Variants in KCNQ1 observed in about 807,000 individuals in gnomAD.
KCNQ1 encodes potassium voltage-gated channel subfamily KQT member 1.
A neutral mutation model predicts 72.4 loss-of-function variants in KCNQ1; 49 were observed. The observed-to-expected ratio is 0.68, with a 90% CI of 0.54 to 0.86. The LOEUF is 0.86. Among genes scored for constraint, KCNQ1 ranks in the 40% least tolerant of loss-of-function variants. The pLI, the probability that KCNQ1 is intolerant of heterozygous loss-of-function variation, is 0.00. For missense variants in KCNQ1, 790 were observed against 945.1 expected (o/e 0.84, Z 2.15); for synonymous variants, 450 against 412.6 (o/e 1.09, Z -1.10).
chr11:2,744,266 T>C (rs1265939700), intron 11 of KCNQ1, among the ~76,000 whole-genome samples: 1 of 152,220 alleles, frequency 6.6e-6, no homozygotes, highest in Admixed American at 6.5e-5. Flanking sequence ...CAGGAGACGA[T>C]GTGGCATCGG....
rs7937273 is a variant in KCNQ1, at chr11:2,488,822, T to C, written c.387-39106T>C. 0.23 allele frequency among the ~76,000 whole-genome samples: 34,248 copies of C among 152,130 alleles called. 4,712 individuals carry two copies. The highest frequency in any genetic ancestry group is 0.39 in the African/African-American group (16,167 of 41,468). On this transcript the variant is annotated intron_variant, in intron 1 of 15. Coordinates refer to ENST00000155840, the MANE Select transcript of KCNQ1 (RefSeq NM_000218.3). This position sits in a 1 kb window ranked among gnomAD's most constrained non-coding sequence, Gnocchi z 5.1. ...CTTTGATTTAATTGATTTTTCTCTA[T>C]TGTTTTTCTATTCTCTATTTTGTTG...
rs549461555 is a variant in KCNQ1, at chr11:2,809,382, G to C, written c.1794+31345G>C. On this transcript the variant is annotated intron_variant, in intron 15 of 15. Coordinates refer to ENST00000155840, the MANE Select transcript of KCNQ1 (RefSeq NM_000218.3). This position sits in a 1 kb window ranked among gnomAD's most constrained non-coding sequence, Gnocchi z 7.1. ...TCAGCTTTGTGTGGTAGCCAGCGAC[G>C]CTGCAACCCCGCCCCCGCAGCCTCC... Among the ~76,000 whole-genome samples the C allele has an allele frequency of 6.6e-6, 1 of 152,128 alleles. No homozygotes were observed. Among genetic ancestry groups the C allele is most frequent in the South Asian group, 2.1e-4 (1 of 4,832 alleles).
At chr11:2,530,008 G>C (rs1304205258) in intron 2 of KCNQ1, among the ~76,000 whole-genome samples, 1 of 152,150 alleles carries the variant, frequency 6.6e-6, no homozygotes, top group Admixed American at 6.5e-5. Context: ...AACCCCCTTG[G>C]TCCTGGCGTG....
Position 2,588,077 on chromosome 11 carries a change from G to T in KCNQ1, c.1251+385G>T, listed in dbSNP as rs921853419. ...TGGGTGGTGGGAGGGGAGCAGCAGG[G>T]GAGGGAGGTGAGGCAGGGGTGCAGC... On this transcript the variant is annotated intron_variant, in intron 9 of 15. Transcript: ENST00000155840. The surrounding 1 kb of genome is among the most constrained non-coding windows in gnomAD (Gnocchi z 5.6). 6.6e-6 allele frequency among the ~76,000 whole-genome samples: 1 copy of T among 152,126 alleles called. No homozygotes were observed. The highest frequency in any genetic ancestry group is 6.5e-5 in the Admixed American group (1 of 15,282).
chr11:2,573,297 T>C (rs1848369741), intron 6 of KCNQ1, among the ~76,000 whole-genome samples: 2 of 152,126 alleles, frequency 1.3e-5, no homozygotes, highest in Admixed American at 1.3e-4. Context: ...CCCCCATGGC[T>C]CTGCCTCCCG....
At chr11:2,568,782 G>A (rs566635660) in intron 2 of KCNQ1, among the ~76,000 whole-genome samples, 1 of 152,302 alleles carries the variant, frequency 6.6e-6, no homozygotes, top group Non-Finnish European at 1.5e-5. Flanking sequence ...CTAGAGCCCT[G>A]GTCCCCAGGA....
intron 1 of KCNQ1, among the ~76,000 whole-genome samples, chr11:2,521,250 G>A (rs1042291386): frequency 4.0e-4 from 61 of 151,914 alleles, no homozygotes; most frequent in African/African-American, 1.3e-3. Context: ...CCTGCTCTCC[G>A]CAACCGTGGA....
chr11:2,713,483 C>T lies in KCNQ1; in HGVS notation c.1514+51402C>T, dbSNP rs1590047681. Among the ~76,000 whole-genome samples, 1 of 152,274 alleles carries T rather than the reference C, an allele frequency of 6.6e-6. No individual in the cohort carries two copies. The highest frequency in any genetic ancestry group is 1.9e-4 in the East Asian group (1 of 5,184). Reference sequence around the variant, plus strand: ...ACAGCCATTGTAGATTTTGATTAATCGCCATCCCCATTATTTCTTCACTTT... The same window carrying T: ...ACAGCCATTGTAGATTTTGATTAATTGCCATCCCCATTATTTCTTCACTTT... On this transcript the variant is annotated intron_variant, in intron 11 of 15. Transcript: ENST00000155840. The surrounding 1 kb of genome is among the most constrained non-coding windows in gnomAD (Gnocchi z 5.6).
chr11:2,821,212 T>C (rs1044722720), intron 15 of KCNQ1, among the ~76,000 whole-genome samples: 1 of 152,212 alleles, frequency 6.6e-6, no homozygotes, highest in African/African-American at 2.4e-5. Flanking sequence ...CGAAGCCTGG[T>C]GCTCTGTGCG....
rs552025470 is a variant in KCNQ1 at position 2,482,931 on chromosome 11, G to T, written c.386+37447G>T. Among the ~76,000 whole-genome samples, 2 of 152,256 alleles carry T rather than the reference G, an allele frequency of 1.3e-5. No individual in the cohort carries two copies. The highest frequency in any genetic ancestry group is 4.1e-4 in the South Asian group (2 of 4,820). ...AAGAGAATGGAGAGAGTCATGGACCGGCATGGCGTGGTAATGCATGGTGCG... is the reference window on the plus strand; with the variant it reads ...AAGAGAATGGAGAGAGTCATGGACCTGCATGGCGTGGTAATGCATGGTGCG... On this transcript the variant is annotated intron_variant, in intron 1 of 15. Coordinates refer to ENST00000155840, the MANE Select transcript of KCNQ1 (RefSeq NM_000218.3). The surrounding 1 kb of genome is among the most constrained non-coding windows in gnomAD (Gnocchi z 5.7).
chr11:2,766,641 A>G lies in KCNQ1; in HGVS notation c.1515-2203A>G, dbSNP rs866630878. 1.3e-5 allele frequency among the ~76,000 whole-genome samples: 2 copies of G among 152,074 alleles called. No individual in the cohort carries two copies. The highest frequency in any genetic ancestry group is 4.8e-5 in the African/African-American group (2 of 41,398). ...GCCATAACTTTTCGCATTCTCCCCT[A>G]TGCAAAATTCACTCACCCCCCTCCC... On this transcript the variant is annotated intron_variant, in intron 11 of 15. Transcript: ENST00000155840. The surrounding 1 kb of genome is among the most constrained non-coding windows in gnomAD (Gnocchi z 4.4).
intron 10 of KCNQ1, chr11:2,641,525 T>C (rs1435133209): frequency 2.5e-6 from 1 of 398,392 alleles, no homozygotes; most frequent in African/African-American, 2.1e-5. Flanking sequence ...TCCTAGTATA[T>C]TCTGGTATTA....
rs912278130 is a variant in KCNQ1 at position 2,647,644 on chromosome 11, G to A, written c.1394-14317G>A. On this transcript the variant is annotated intron_variant, in intron 10 of 15. Transcript: ENST00000155840. The surrounding 1 kb of genome is among the most constrained non-coding windows in gnomAD (Gnocchi z 4.0). ...TGCAATCCTGAGGTTTTCTTTACTG[G>A]GAGACTTTATTACTGATACAATCTC... is the stretch of plus-strand genomic sequence containing the variant. 4 of 398,404 alleles carry A rather than the reference G, an allele frequency of 1.0e-5. No homozygotes were observed. The highest frequency in any genetic ancestry group is 1.3e-5 in the Non-Finnish European group (3 of 225,990). 24.7% of individuals were successfully genotyped at this position (398,404 alleles called of 1,614,324 possible).
intron 1 of KCNQ1, among the ~76,000 whole-genome samples, chr11:2,472,368 ATGTC>A (rs764525630): frequency 4.7e-5 from 7 of 148,220 alleles, no homozygotes; most frequent in South Asian, 2.2e-4. Context: ...GTGTGTACCT[ATGTC>A]TGTATAGGTG....
In KCNQ1 at chr11:2,848,121, C is replaced by G. The variant is rs1171864260; in HGVS notation, c.*118C>G. 3 of 871,306 alleles carry G rather than the reference C, an allele frequency of 3.4e-6. No homozygotes were observed. In the South Asian group the frequency reaches 4.3e-5, roughly 12 times the overall value. The allele number at this position is 871,306 out of a possible 1,614,324, so 54.0% of individuals were successfully genotyped here. A position where few individuals can be genotyped will look rare whatever the true frequency, so the allele number is the denominator to read the frequency against. The stretch of plus-strand genomic sequence containing the variant: ...GGCCCAGAGAGAAGAGCCCCACTCT[C>G]AGAGGCCCCAATACCCCATGGACCA... On this transcript the variant is annotated 3_prime_UTR_variant, in exon 16 of 16. Transcript: ENST00000155840.
At position 2,648,727 on chromosome 11, in the gene KCNQ1, C is replaced by T. The variant is rs117669349; in HGVS notation, c.1394-13234C>T. The T allele has an allele frequency of 3.7e-3, 1,486 of 398,442 alleles. 6 individuals carry two copies. The highest frequency in any genetic ancestry group is 0.012 in the South Asian group (94 of 7,854). The allele number at this position is 398,442 out of a possible 1,614,324, so 24.7% of individuals were successfully genotyped here. A position where few individuals can be genotyped will look rare whatever the true frequency, so the allele number is the denominator to read the frequency against. On this transcript the variant is annotated intron_variant, in intron 10 of 15. Transcript: ENST00000155840. ...TCCTGGAGAATGTGCTGTGTGCTAA[C>T]GAAGCAGCAGTTCAAATCTAATATT... is the stretch of plus-strand genomic sequence containing the variant.
intron 15 of KCNQ1, among the ~76,000 whole-genome samples, chr11:2,842,954 C>T (rs987193330): frequency 3.9e-5 from 6 of 152,330 alleles, no homozygotes; most frequent in Admixed American, 1.3e-4. Flanking sequence ...CAAGGTCACC[C>T]GGCCAGGAAG....
intron 11 of KCNQ1, among the ~76,000 whole-genome samples, chr11:2,721,512 G>A (rs541332268): frequency 6.6e-6 from 1 of 152,236 alleles, no homozygotes; most frequent in Non-Finnish European, 1.5e-5. Flanking sequence ...AGGTGTGAGT[G>A]GAATCAGCAA....
At chr11:2,641,132 G>C (rs149851648) in intron 10 of KCNQ1, 1 of 398,312 alleles carries the variant, frequency 2.5e-6, no homozygotes, top group Non-Finnish European at 4.4e-6. Flanking sequence ...TAAACACGGG[G>C]ATGCAGGTAC....
Sources: gnomAD v4.1 joint callset for allele counts (sites outside exome capture counted in the v4.1 genomes callset) on GRCh38, gnomAD v4.1.1 for gene constraint, Gnocchi (gnomAD v3.1) non-coding constraint, MANE v1.5 for transcripts, NCBI Gene and HGNC (gene_info 2026-07-23, HGNC 2026-07-21) for gene names.